Variants in TTLL11 observed in about 807,000 individuals in gnomAD.
The protein encoded by TTLL11 is tubulin polyglutamylase TTLL11.
In TTLL11, 42 loss-of-function variants were observed where a neutral mutation model predicts 51.7. That is an observed-to-expected ratio of 0.81 (90% confidence interval 0.64 to 1.05). TTLL11 has a LOEUF of 1.05. Among genes scored for constraint, TTLL11 ranks in the 50% least tolerant of loss-of-function variants. TTLL11 has a pLI of 0.00. For missense variants in TTLL11, 799 were observed against 940.4 expected, an observed-to-expected ratio of 0.85 and a Z score of 1.97; for synonymous variants, 381 against 383.5, an observed-to-expected ratio of 0.99 and a Z score of 0.08.
intron 3 of TTLL11, among the ~76,000 whole-genome samples, chr9:122,029,709 T>A (rs1377060759): frequency 6.6e-6 from 1 of 152,158 alleles, no homozygotes; most frequent in African/African-American, 2.4e-5. Context: ...GAAAATTTTT[T>A]AAAAATAGAT....
At chr9:122,004,503 C>T (rs1013017688) in intron 3 of TTLL11, among the ~76,000 whole-genome samples, 1 of 152,114 alleles carries the variant, frequency 6.6e-6, no homozygotes, top group Non-Finnish European at 1.5e-5. Flanking sequence ...GCATGCACCA[C>T]CATGCCCAGC....
At chr9:122,056,545 A>G (rs983078786) in intron 1 of TTLL11, among the ~76,000 whole-genome samples, 26 of 152,178 alleles carry the variant, frequency 1.7e-4, no homozygotes, top group Admixed American at 1.7e-3. Context: ...GCCTCATTAA[A>G]TCCTTAGGCC....
chr9:121,950,285 C>G (rs1010502621), intron 6 of TTLL11, among the ~76,000 whole-genome samples: 1 of 152,136 alleles, frequency 6.6e-6, no homozygotes, highest in African/African-American at 2.4e-5. Flanking sequence ...CTCCCTGAGG[C>G]CGTGGGCTGG....
At chr9:122,022,341 C>G (rs568297715) in intron 3 of TTLL11, among the ~76,000 whole-genome samples, 1 of 151,934 alleles carries the variant, frequency 6.6e-6, no homozygotes, top group Non-Finnish European at 1.5e-5. Context: ...ACATCATAAT[C>G]AAATTGTTCA....
At chr9:122,031,952 A>G in intron 2 of TTLL11, 96 bp from the exon 3 acceptor site, 1 of 1,475,308 alleles carries the variant, frequency 6.8e-7, no homozygotes. Flanking sequence ...CACCCGACAT[A>G]TTCTCTTTTT....
chr9:122,081,353 G>A (rs1053667262), intron 1 of TTLL11, among the ~76,000 whole-genome samples: 17 of 152,172 alleles, frequency 1.1e-4, no homozygotes, highest in South Asian at 6.2e-4. Context: ...CACTGATTGC[G>A]TACTGACTTT....
chr9:121,855,393 T>G (rs1053012350), intron 8 of TTLL11, among the ~76,000 whole-genome samples: 3 of 152,226 alleles, frequency 2.0e-5, no homozygotes, highest in African/African-American at 7.2e-5. Flanking sequence ...CTCACTAGTT[T>G]TTATTTTTTT....
At chr9:121,905,273 C>T (rs1206845258) in intron 6 of TTLL11, among the ~76,000 whole-genome samples, 1 of 152,184 alleles carries the variant, frequency 6.6e-6, no homozygotes, top group Non-Finnish European at 1.5e-5. Context: ...TCCCTTTCCA[C>T]TCCTCTTGGA....
chr9:121,822,940 G>A lies in TTLL11; in HGVS notation c.1841-61C>T. 2 of 1,464,900 alleles carry A rather than the reference G, an allele frequency of 1.4e-6. No individual in the cohort carries two copies. The highest frequency in any genetic ancestry group is 1.8e-6 in the Non-Finnish European group (2 of 1,103,434). 90.7% of individuals were successfully genotyped at this position (1,464,900 alleles called of 1,614,324 possible). A position where few individuals can be genotyped will look rare whatever the true frequency, so the allele number is the denominator to read the frequency against. On this transcript the variant is annotated intron_variant, in intron 8 of 8. Transcript: ENST00000321582. This position sits in a 1 kb window ranked among gnomAD's most constrained non-coding sequence, Gnocchi z 5.8. ...AGCTGCCCTACGCTGCCCTGGGAAG[G>A]CCCACCTCCAGCCACAAGGATGTCA... is the stretch of plus-strand genomic sequence containing the variant.
chr9:121,904,201 G>A (rs988446819), intron 6 of TTLL11, among the ~76,000 whole-genome samples: 5 of 147,790 alleles, frequency 3.4e-5, no homozygotes, highest in South Asian at 4.3e-4. Context: ...TTTTTGAGAC[G>A]GAGTCTCGCT....
intron 6 of TTLL11, among the ~76,000 whole-genome samples, chr9:121,877,056 G>A (rs150387594): frequency 3.3e-5 from 5 of 152,340 alleles, no homozygotes; most frequent in African/African-American, 1.2e-4. Flanking sequence ...CCTGGATCAC[G>A]TTCCCAGGCA....
Position 121,917,700 on chromosome 9 carries a change from G to GAAGA in TTLL11, c.1482-46956_1482-46953dup, listed in dbSNP as rs552967599. Among the ~76,000 whole-genome samples, 52 of 151,500 alleles carry GAAGA rather than the reference G, an allele frequency of 3.4e-4. 1 individual carries two copies. Among genetic ancestry groups the GAAGA allele is most frequent in the Middle Eastern group, 6.9e-3 (2 of 290 alleles). On this transcript the variant is annotated intron_variant, in intron 6 of 8. Transcript: ENST00000321582. ...GAAGTGAAGAAAGGAAGGAAGGAAA[G>GAAGA]AAGAAAGAAAGAAAGAAAGAGAAAA... is the stretch of plus-strand genomic sequence containing the variant.
chr9:122,014,685 A>G (rs1843912880), intron 3 of TTLL11, among the ~76,000 whole-genome samples: 1 of 152,248 alleles, frequency 6.6e-6, no homozygotes. Context: ...AAACTGTGAC[A>G]GAGTCAGAAG....
intron 8 of TTLL11, among the ~76,000 whole-genome samples, chr9:121,824,672 A>T (rs538197326): frequency 4.6e-5 from 7 of 152,108 alleles, no homozygotes; most frequent in Admixed American, 3.9e-4. Context: ...TCCAAGTAAA[A>T]CTGGAACCCG....
At chr9:121,960,448 G>A (rs962953844) in intron 6 of TTLL11, among the ~76,000 whole-genome samples, 1 of 152,054 alleles carries the variant, frequency 6.6e-6, no homozygotes, top group African/African-American at 2.4e-5. Flanking sequence ...GTCCTGTCCT[G>A]CCTTGCAGCC....
chr9:122,074,165 T>C (rs1282833830), intron 1 of TTLL11, among the ~76,000 whole-genome samples: 1 of 151,568 alleles, frequency 6.6e-6, no homozygotes, highest in African/African-American at 2.4e-5. Flanking sequence ...TACCAGCAAG[T>C]TGGGAAGCTG....
chr9:121,976,205 C>T (rs73551487), intron 4 of TTLL11, among the ~76,000 whole-genome samples: 4,546 of 152,320 alleles, frequency 0.03, 210 homozygotes, highest in African/African-American at 0.1. Flanking sequence ...CCAACACCGT[C>T]TGCTTCACGC....
chr9:121,838,781 A>AAGAAAGCAAGCAAGC (rs1837259775), intron 8 of TTLL11, among the ~76,000 whole-genome samples: 3 of 139,898 alleles, frequency 2.1e-5, no homozygotes, highest in East Asian at 2.1e-4. Context: ...AGCAAGCAAG[A>AAGAAAGCAAGCAAGC]AAGCAAGCAA....
chr9:121,826,184 CTATATATATATATATA>C lies in TTLL11; in HGVS notation c.1841-3321_1841-3306del, dbSNP rs1166211047. Among the ~76,000 whole-genome samples, 6 of 51,134 alleles carry C rather than the reference CTATATATATATATATA, an allele frequency of 1.2e-4. 2 individuals are homozygous for C. The highest frequency in any genetic ancestry group is 3.5e-4 in the Admixed American group (1 of 2,896). 33.5% of individuals were successfully genotyped at this position (51,134 alleles called of 152,430 possible). On this transcript the variant is annotated intron_variant, in intron 8 of 8. Coordinates refer to ENST00000321582, the MANE Select transcript of TTLL11 (RefSeq NM_001139442.2). ...TATATATATATATATAACCAGTAAC[CTATATATATATATATA>C]TATATATATATATATATGCACACAT...
Sources: gnomAD v4.1 joint callset for allele counts (sites outside exome capture counted in the v4.1 genomes callset) on GRCh38, gnomAD v4.1.1 for gene constraint, Gnocchi (gnomAD v3.1) non-coding constraint, MANE v1.5 for transcripts, NCBI Gene and HGNC (gene_info 2026-07-23, HGNC 2026-07-21) for gene names.